The following CSMD1 variants were observed in gnomAD, a reference collection of about 807,000 sequenced individuals.
CSMD1 encodes CUB and sushi domain-containing protein 1.
Under a neutral mutation model 417.5 loss-of-function variants are expected in CSMD1, and 213 were observed. That is an observed-to-expected ratio of 0.51 (90% confidence interval 0.46 to 0.57). The LOEUF is 0.57. Ranked by LOEUF, CSMD1 falls within the 20% of genes least tolerant of loss-of-function variation. The pLI, the probability that CSMD1 is intolerant of heterozygous loss-of-function variation, is 0.00. For missense variants in CSMD1, 6,923 were observed against 4,529.7 expected, an observed-to-expected ratio of 1.53 and a Z score of -15.17; for synonymous variants, 2,862 against 1,736.8, an observed-to-expected ratio of 1.65 and a Z score of -16.11.
chr8:3,606,401 A>G (rs985934139), intron 8 of CSMD1, among the ~76,000 whole-genome samples: 18 of 152,188 alleles, frequency 1.2e-4, no homozygotes, highest in Admixed American at 5.9e-4. Flanking sequence ...ACTGTAGGCA[A>G]TTGAACACAA....
chr8:4,821,165 C>T (rs1017685506), intron 1 of CSMD1, among the ~76,000 whole-genome samples: 2 of 152,148 alleles, frequency 1.3e-5, no homozygotes, highest in African/African-American at 4.8e-5. Context: ...CAGATCCTCT[C>T]TTCTCTGTAA....
At chr8:3,372,076 C>T (rs1809991125) in intron 18 of CSMD1, among the ~76,000 whole-genome samples, 1 of 151,842 alleles carries the variant, frequency 6.6e-6, no homozygotes, top group African/African-American at 2.4e-5. Context: ...AGATGATATA[C>T]AATATTGGCA....
rs574559956 is a variant in CSMD1, at chr8:3,490,258, G to A, written c.1448+3365C>T. Among the ~76,000 whole-genome samples the A allele has an allele frequency of 3.3e-5, 5 of 152,268 alleles. No individual in the cohort carries two copies. In the East Asian group the frequency reaches 9.7e-4, roughly 29 times the overall value. ...GCATCTCAGTTTGATTCAGTTGGCT[G>A]TTTAGTTTTTCATTTACAGATTCAA... On this transcript the variant is annotated intron_variant, in intron 11 of 69. Coordinates refer to ENST00000635120, the MANE Select transcript of CSMD1 (RefSeq NM_033225.6).
At chr8:3,669,369 G>A (rs1245366835) in intron 7 of CSMD1, among the ~76,000 whole-genome samples, 3 of 152,240 alleles carry the variant, frequency 2.0e-5, no homozygotes, top group African/African-American at 7.2e-5. Context: ...GGGCGGGAGG[G>A]TCCAAGGCCT....
At chr8:4,471,748 G>T (rs553568456) in intron 2 of CSMD1, among the ~76,000 whole-genome samples, 1 of 149,960 alleles carries the variant, frequency 6.7e-6, no homozygotes, top group Non-Finnish European at 1.5e-5. Flanking sequence ...AAAGAAGTTA[G>T]ACCCATTTCT....
chr8:4,309,156 A>G lies in CSMD1; in HGVS notation c.415+110797T>C, dbSNP rs187959151. On this transcript the variant is annotated intron_variant, in intron 3 of 69. Transcript: ENST00000635120. ...TTTGCACACACAGGCCAATTCAACA[A>G]CTTTCTGAAGATGTGTGGAGATTCT... 3.3e-5 allele frequency among the ~76,000 whole-genome samples: 5 copies of G among 152,280 alleles called. No individual in the cohort carries two copies. In the East Asian group the frequency reaches 9.7e-4, roughly 29 times the overall value.
At chr8:4,888,169 A>T (rs956437905) in intron 1 of CSMD1, among the ~76,000 whole-genome samples, 5 of 152,044 alleles carry the variant, frequency 3.3e-5, no homozygotes, top group Non-Finnish European at 4.4e-5. Flanking sequence ...AAATTGATAC[A>T]TTGGTACATC....
At chr8:4,547,937 G>A (rs112618115) in intron 2 of CSMD1, among the ~76,000 whole-genome samples, 2,449 of 152,222 alleles carry the variant, frequency 0.016, 36 homozygotes, top group Non-Finnish European at 0.026. Flanking sequence ...ACTTTGTTTT[G>A]GGTCTGGAAA....
chr8:3,668,512 C>T (rs966304463), intron 7 of CSMD1, among the ~76,000 whole-genome samples: 1 of 152,146 alleles, frequency 6.6e-6, no homozygotes, highest in Non-Finnish European at 1.5e-5. Context: ...GTTTGTCTGA[C>T]TGGGCATTGT....
At chr8:3,741,577 G>C (rs1359159014) in intron 6 of CSMD1, among the ~76,000 whole-genome samples, 3 of 152,160 alleles carry the variant, frequency 2.0e-5, no homozygotes, top group Admixed American at 2.0e-4. Flanking sequence ...TTGACTTCAA[G>C]ATTAACTGTT....
In CSMD1 at chr8:3,417,692, T is replaced by G. The variant is rs73657875; in HGVS notation, c.1562-8087A>C. Among the ~76,000 whole-genome samples the G allele has an allele frequency of 3.9e-3, 593 of 152,326 alleles. 3 individuals carry two copies. Among genetic ancestry groups the G allele is most frequent in the African/African-American group, 0.013 (548 of 41,578 alleles). ...TAAAAGCAACAGTTTCTTGTGCAAC[T>G]GACCACACTGTGCCTGCTCTTAGAT... On this transcript the variant is annotated intron_variant, in intron 12 of 69. Coordinates refer to ENST00000635120, the MANE Select transcript of CSMD1 (RefSeq NM_033225.6).
rs927767106 is a variant in CSMD1, at chr8:4,145,541, T to C, written c.416-113442A>G. ...GTCATCTTGAATCCCATTCAGAATT[T>C]CTTTATTATTACATTGTTATTATTT... On this transcript the variant is annotated intron_variant, in intron 3 of 69. Transcript: ENST00000635120. Among the ~76,000 whole-genome samples the C allele has an allele frequency of 1.7e-4, 25 of 150,936 alleles. 1 individual carries two copies. The highest frequency in any genetic ancestry group is 6.2e-4 in the African/African-American group (25 of 40,276).
At chr8:3,314,619 G>A (rs113678916) in intron 23 of CSMD1, among the ~76,000 whole-genome samples, 2,278 of 152,254 alleles carry the variant, frequency 0.015, 52 homozygotes, top group African/African-American at 0.051. Flanking sequence ...TTAAGTCAAA[G>A]CACAGCCAAA....
intron 3 of CSMD1, among the ~76,000 whole-genome samples, chr8:4,418,252 G>C (rs1290265149): frequency 1.3e-5 from 2 of 151,928 alleles, no homozygotes; most frequent in African/African-American, 4.8e-5. Flanking sequence ...ATAAATCCAA[G>C]TTACTCAACT....
At chr8:3,966,135 T>A (rs1366384813) in intron 5 of CSMD1, among the ~76,000 whole-genome samples, 1 of 152,208 alleles carries the variant, frequency 6.6e-6, no homozygotes, top group Non-Finnish European at 1.5e-5. Context: ...CCATCCATGC[T>A]ACTTATAATA....
chr8:3,429,571 G>A (rs149621118), intron 12 of CSMD1, among the ~76,000 whole-genome samples: 188 of 152,246 alleles, frequency 1.2e-3, no homozygotes, highest in African/African-American at 4.2e-3. Context: ...TGAGGTATTC[G>A]CACTCTGGGA....
intron 5 of CSMD1, among the ~76,000 whole-genome samples, chr8:3,863,019 T>G (rs1804825323): frequency 6.6e-6 from 1 of 152,208 alleles, no homozygotes. Context: ...TGGTAAGATT[T>G]GCTTTGTCTC....
chr8:4,778,486 A>G (rs889982158), intron 1 of CSMD1, among the ~76,000 whole-genome samples: 2 of 152,222 alleles, frequency 1.3e-5, no homozygotes, highest in Admixed American at 1.3e-4. Flanking sequence ...ATAATGCACA[A>G]AAAGCACTTT....
chr8:3,921,112 A>G (rs1021895978), intron 5 of CSMD1, among the ~76,000 whole-genome samples: 2 of 149,476 alleles, frequency 1.3e-5, no homozygotes, highest in African/African-American at 5.1e-5. Context: ...TTTTCTTTGA[A>G]AGAAGGTTGA....
Sources: allele counts gnomAD v4.1 joint callset (sites outside exome capture counted in the v4.1 genomes callset), GRCh38; gene constraint gnomAD v4.1.1; transcripts MANE v1.5; gene names NCBI Gene and HGNC (gene_info 2026-07-23, HGNC 2026-07-21).